LTBP1: variants seen among roughly 807,000 people sequenced by gnomAD.
LTBP1 encodes latent-transforming growth factor beta-binding protein 1.
A neutral mutation model predicts 207.6 loss-of-function variants in LTBP1; 129 were observed. The ratio of observed to expected loss-of-function variants is 0.62; its 90% confidence interval spans 0.54 to 0.72. The LOEUF is 0.72. LTBP1 is among the 30% of genes least tolerant of loss of function. LTBP1 has a pLI of 0.00. For missense variants in LTBP1, 2,281 were observed against 2,217.2 expected (o/e 1.03, Z -0.58); for synonymous variants, 963 against 833.7 (o/e 1.16, Z -2.67).
At chr2:33,245,174 C>A (rs2092469314) in intron 10 of LTBP1, among the ~76,000 whole-genome samples, 1 of 152,124 alleles carries the variant, frequency 6.6e-6, no homozygotes, top group Non-Finnish European at 1.5e-5. Flanking sequence ...GCCACCATGC[C>A]CGGCCACTTT....
chr2:33,189,837 C>A lies in LTBP1; in HGVS notation c.1701+986C>A, dbSNP rs566764454. Among the ~76,000 whole-genome samples, 12 of 150,430 alleles carry A rather than the reference C, an allele frequency of 8.0e-5. No individual in the cohort carries two copies. The East Asian group carries it at 1.6e-3, about 20-fold the overall frequency. ...GGTCAGGAGTTCGAGACCAGCCTGG[C>A]CAACATGATGAAACCCCGTCTCTAC... On this transcript the variant is annotated intron_variant, in intron 7 of 33. Transcript: ENST00000404816.
rs1684623483 is a variant in LTBP1, at chr2:32,992,786, A to AGGG, written c.566-28120_566-28118dup. On this transcript the variant is annotated intron_variant, in intron 2 of 33. Transcript: ENST00000404816. ...GATAGGCCTCAGGAGGAGATCCTGC[A>AGGG]GGGGGTTCAGGGTGGCGCATGGAGG... 2.0e-5 allele frequency among the ~76,000 whole-genome samples: 3 copies of AGGG among 152,118 alleles called. No individual in the cohort carries two copies. The South Asian group carries it at 6.2e-4, about 32-fold the overall frequency.
At chr2:33,302,950 TACACACACAC>T (rs70938396) in intron 22 of LTBP1, among the ~76,000 whole-genome samples, 6,498 of 144,868 alleles carry the variant, frequency 0.045, 186 homozygotes, top group Middle Eastern at 0.11. Context: ...CTAATATTTT[TACACACACAC>T]ACACACACAC....
chr2:33,180,455 T>A (rs1268833598), intron 5 of LTBP1, among the ~76,000 whole-genome samples: 1 of 27,218 alleles, frequency 3.7e-5, no homozygotes, highest in Non-Finnish European at 8.3e-5. Context: ...CGTGGCATAG[T>A]TTTTTTTTTT....
intron 2 of LTBP1, among the ~76,000 whole-genome samples, chr2:33,000,812 C>CT (rs1685975445): frequency 7.4e-6 from 1 of 134,410 alleles, no homozygotes; most frequent in Non-Finnish European, 1.6e-5. Flanking sequence ...ATATTGGAGG[C>CT]TACCAAGGGG....
chr2:33,269,560 A>C (rs114173677), intron 15 of LTBP1, among the ~76,000 whole-genome samples: 2,218 of 152,300 alleles, frequency 0.015, 22 homozygotes, highest in East Asian at 0.025. Context: ...ATTCACCAGC[A>C]TACATACCCC....
chr2:33,065,080 A>G (rs1404603377), intron 3 of LTBP1, among the ~76,000 whole-genome samples: 3 of 152,172 alleles, frequency 2.0e-5, no homozygotes, highest in Non-Finnish European at 4.4e-5. Context: ...ATTATCTTAT[A>G]TTACTCATTT....
At chr2:32,982,367 T>G (rs1488721019) in intron 2 of LTBP1, among the ~76,000 whole-genome samples, 1 of 152,094 alleles carries the variant, frequency 6.6e-6, no homozygotes, top group Non-Finnish European at 1.5e-5. Context: ...AATATAAAAG[T>G]TTGGAAAATT....
At chr2:33,278,829 C>A (rs1165143765) in intron 18 of LTBP1, among the ~76,000 whole-genome samples, 1 of 152,120 alleles carries the variant, frequency 6.6e-6, no homozygotes, top group African/African-American at 2.4e-5. Flanking sequence ...CCTAAAAAAA[C>A]CACTATGTAT....
chr2:33,050,826 C>G (rs559355356), intron 3 of LTBP1, among the ~76,000 whole-genome samples: 2 of 151,876 alleles, frequency 1.3e-5, no homozygotes, highest in African/African-American at 4.8e-5. Context: ...CTCCGCCTCC[C>G]GGGTTCAAGC....
chr2:33,307,490 T>A (rs1483925063), intron 22 of LTBP1, among the ~76,000 whole-genome samples: 1 of 152,126 alleles, frequency 6.6e-6, no homozygotes, highest in Admixed American at 6.5e-5. Context: ...CACAGCAACT[T>A]GGGTGAATCT....
At chr2:33,181,596 CCAGGTGACT>C (rs1183426373) in intron 5 of LTBP1, among the ~76,000 whole-genome samples, 1 of 152,188 alleles carries the variant, frequency 6.6e-6, no homozygotes, top group African/African-American at 2.4e-5. Flanking sequence ...GCAGTAGTTC[CCAGGTGACT>C]CTCTGATGCA....
intron 3 of LTBP1, among the ~76,000 whole-genome samples, chr2:33,037,841 C>G (rs540964759): frequency 9.8e-5 from 15 of 152,320 alleles, no homozygotes; most frequent in South Asian, 2.1e-4. Flanking sequence ...CCTCAGCCAC[C>G]CAAGTAACTG....
chr2:32,991,285 A>G (rs1230451583), intron 2 of LTBP1, among the ~76,000 whole-genome samples: 1 of 152,242 alleles, frequency 6.6e-6, no homozygotes, highest in East Asian at 1.9e-4. Context: ...CCAGAATTGG[A>G]TTAATCATAC....
At chr2:33,392,621 T>A (rs1177782755) in intron 32 of LTBP1, among the ~76,000 whole-genome samples, 1 of 152,194 alleles carries the variant, frequency 6.6e-6, no homozygotes, top group African/African-American at 2.4e-5. Context: ...CAAAAATAGG[T>A]AGCAGGCCAG....
intron 3 of LTBP1, among the ~76,000 whole-genome samples, chr2:33,087,742 A>T (rs550501909): frequency 6.6e-6 from 1 of 152,254 alleles, no homozygotes; most frequent in Non-Finnish European, 1.5e-5. Flanking sequence ...GATGGAGTTT[A>T]TCCAAGCAGA....
chr2:33,277,815 T>TCTTTCTCTCTCTCTCTCTCTCTCTCTCTC (rs1558933866), intron 18 of LTBP1, among the ~76,000 whole-genome samples: 1 of 86,022 alleles, frequency 1.2e-5, no homozygotes, highest in Admixed American at 1.3e-4. Flanking sequence ...CTTTCTTTTT[T>TCTTTCTCTCTCTCTCTCTCTCTCTCTCTC]TCTTTCTTTC....
chr2:33,283,250 C>A (rs550072510), intron 19 of LTBP1, among the ~76,000 whole-genome samples: 1 of 151,682 alleles, frequency 6.6e-6, no homozygotes, highest in Non-Finnish European at 1.5e-5. Flanking sequence ...TTTAGAGATC[C>A]CTTGGTGGTC....
At chr2:33,360,813 TG>T (rs2094919488) in intron 27 of LTBP1, 34 bp downstream of exon 27, 7 of 1,600,272 alleles carry the variant, frequency 4.4e-6, no homozygotes, top group Non-Finnish European at 6.0e-6. Flanking sequence ...GTCACACTTG[TG>T]TTTGGTCACA....
Sources: allele counts gnomAD v4.1 joint callset (sites outside exome capture counted in the v4.1 genomes callset), GRCh38; gene constraint gnomAD v4.1.1; transcripts MANE v1.5; gene names NCBI Gene and HGNC (gene_info 2026-07-23, HGNC 2026-07-21).